Variants in PICK1 observed in about 807,000 individuals in gnomAD.
PICK1 encodes protein interacting with PRKCA 1.
Under a neutral mutation model 48.9 loss-of-function variants are expected in PICK1, and 23 were observed. The ratio of observed to expected loss-of-function variants is 0.47; its 90% CI spans 0.34 to 0.67. The LOEUF (loss-of-function observed/expected upper bound fraction) is 0.67. PICK1 is among the 30% of genes least tolerant of loss of function. The pLI, the probability that PICK1 is intolerant of heterozygous loss-of-function variation, is 0.01. For missense variants in PICK1, 423 were observed against 557.1 expected (o/e 0.76, Z 2.42); for synonymous variants, 217 against 228.2 (o/e 0.95, Z 0.44).
chr22:38,065,871 G>A (rs1450576522), intron 4 of PICK1, among the ~76,000 whole-genome samples: 1 of 152,230 alleles, frequency 6.6e-6, no homozygotes, highest in East Asian at 1.9e-4. Flanking sequence ...TGAAAGTCTC[G>A]GGGGCAAGGG....
chr22:38,063,693 A>G (rs1193761721), intron 3 of PICK1, among the ~76,000 whole-genome samples: 2 of 137,788 alleles, frequency 1.5e-5, no homozygotes, highest in African/African-American at 5.6e-5. Flanking sequence ...CCCAAGCTGG[A>G]GTACAGTGAC....
chr22:38,067,645 T>A (rs2076369), intron 4 of PICK1, 59 bp from the exon 5 acceptor site: 34 of 1,474,686 alleles, frequency 2.3e-5, no homozygotes, highest in Non-Finnish European at 2.8e-5. Flanking sequence ...CAGTCTTGGC[T>A]GGGAAGGGGC....
In PICK1 at chr22:38,072,982, C is replaced by T; in HGVS notation, c.691-18C>T. ...ACCCCTGCCGTGACAGCCTCAGCAT[C>T]CACCCACCCTCTTCCAGATGCTGAC... On this transcript the variant is annotated intron_variant, in intron 9 of 12. Coordinates refer to ENST00000356976, the MANE Select transcript of PICK1 (RefSeq NM_012407.4). The T allele has an allele frequency of 6.4e-7, 1 of 1,574,022 alleles. No individual in the cohort carries two copies. The highest frequency in any genetic ancestry group is 8.7e-7 in the Non-Finnish European group (1 of 1,143,694).
rs767894272 is a variant in PICK1 at position 38,074,942 on chromosome 22, G to A, written c.1058G>A (p.Arg353Gln). 3.7e-6 allele frequency: 6 copies of A among 1,613,612 alleles called. No homozygotes were observed. In the African/African-American group the frequency reaches 4.0e-5, roughly 11 times the overall value. ...KYYNDCYAVL[R>Q]DADVFPIEVD... The stretch of plus-strand genomic sequence containing the variant: ...TACAACGACTGCTACGCAGTGCTGC[G>A]GGATGCCGACGTCTTCCCCATCGAG... Residue 353 changes from arginine (R) to glutamine (Q), a missense_variant, in exon 13 of 13, where the codon CGG becomes CAG. By Grantham distance (43) the Arg-to-Gln change is conservative (BLOSUM62 1). This residue lies in a region of PICK1 where 144 missense variants were observed against 139.3 expected (regional missense o/e 1.03). Transcript: ENST00000356976. This position sits in a 1 kb window ranked among gnomAD's most constrained non-coding sequence, Gnocchi z 4.5.
intron 8 of PICK1, chr22:38,072,069 A>C (rs2085710828): frequency 2.0e-6 from 1 of 495,284 alleles, no homozygotes; most frequent in African/African-American, 1.9e-5. Flanking sequence ...CAGAAAATGA[A>C]GCCCAGACAA....
At chr22:38,061,067 T>C (rs2085388798) in intron 3 of PICK1, among the ~76,000 whole-genome samples, 2 of 151,470 alleles carry the variant, frequency 1.3e-5, no homozygotes, top group South Asian at 4.2e-4. Context: ...ACTGGCCGGG[T>C]GCGGTGGCTC....
At chr22:38,062,402 C>T (rs897663010) in intron 3 of PICK1, among the ~76,000 whole-genome samples, 2 of 152,262 alleles carry the variant, frequency 1.3e-5, no homozygotes, top group Non-Finnish European at 2.9e-5. Context: ...CACGTGCCAC[C>T]ACGCCTGGCT....
intron 6 of PICK1, among the ~76,000 whole-genome samples, chr22:38,070,009 G>A (rs996091715): frequency 1.3e-5 from 2 of 152,234 alleles, no homozygotes; most frequent in African/African-American, 2.4e-5. Context: ...CTGGCCAGGT[G>A]CTAAGGCTCT....
chr22:38,072,637 C>T lies in PICK1; in HGVS notation c.690+27C>T, dbSNP rs191048755. 4.3e-5 allele frequency: 70 copies of T among 1,611,666 alleles called. No homozygotes were observed. In the Middle Eastern group the frequency reaches 8.2e-4, roughly 19 times the overall value. ...TAGGTCCTATTGAGCATGTGTGTGTCTGGCGTGTGAGGGTGGGGAGGGGAG... is the reference window on the plus strand; with the variant it reads ...TAGGTCCTATTGAGCATGTGTGTGTTTGGCGTGTGAGGGTGGGGAGGGGAG... On this transcript the variant is annotated intron_variant, in intron 9 of 12. Coordinates refer to ENST00000356976, the MANE Select transcript of PICK1 (RefSeq NM_012407.4).
chr22:38,067,728 A>T lies in PICK1; in HGVS notation c.307A>T (p.Lys103Ter). The T allele has an allele frequency of 6.2e-7, 1 of 1,614,028 alleles. No individual in the cohort carries two copies. Among genetic ancestry groups the T allele is most frequent in the Non-Finnish European group, 8.5e-7 (1 of 1,179,908 alleles). ...GGGGGAGGTGACCATCCACTACAAC[A>T]AGCTGCAGGCGGACCCCAAGCAGGG... ...VKGEVTIHYN[K>*]LQADPKQGMS... The change falls in exon 5 of 13, where the codon AAG (lysine) becomes TAG (stop). Residue 103 changes from lysine to a stop codon, truncating the protein, a stop_gained. Transcript: ENST00000356976. LOFTEE classifies it high-confidence loss of function.
chr22:38,073,902 C>A lies in PICK1; in HGVS notation c.834+79C>A, dbSNP rs1007713658. 7.4e-6 allele frequency: 10 copies of A among 1,350,584 alleles called. No individual in the cohort carries two copies. In the East Asian group the frequency reaches 1.4e-4, roughly 19 times the overall value. The allele number at this position is 1,350,584 out of a possible 1,614,324, so 83.7% of individuals were successfully genotyped here. On this transcript the variant is annotated intron_variant, in intron 11 of 12. Coordinates refer to ENST00000356976, the MANE Select transcript of PICK1 (RefSeq NM_012407.4). The surrounding 1 kb of genome is among the most constrained non-coding windows in gnomAD (Gnocchi z 5.7). ...GGATAGCAGGTGGCTCAGGCCAACC[C>A]GGGAGAGACCGGGGGGACTTGGCTG...
chr22:38,069,874 T>A (rs75019488), intron 6 of PICK1, among the ~76,000 whole-genome samples: 3,881 of 152,240 alleles, frequency 0.025, 169 homozygotes, highest in African/African-American at 0.089. Flanking sequence ...GGTTGTTGTG[T>A]TTTTCCCCCC....
At chr22:38,065,756 T>C (rs1393770181) in intron 4 of PICK1, among the ~76,000 whole-genome samples, 1 of 152,244 alleles carries the variant, frequency 6.6e-6, no homozygotes. Context: ...GAAGCGAGCA[T>C]GCAGCCCCTT....
intron 7 of PICK1, 24 bp downstream of exon 7, chr22:38,070,915 T>C: frequency 6.2e-7 from 1 of 1,602,388 alleles, no homozygotes; most frequent in Non-Finnish European, 8.6e-7. Context: ...GGCCTCGTCC[T>C]GGCACTAGCT....
chr22:38,070,752 G>A (rs1362260766), intron 6 of PICK1, 86 bp from the exon 7 acceptor site: 86 of 1,141,376 alleles, frequency 7.5e-5, no homozygotes, highest in Non-Finnish European at 1.7e-5. Context: ...CTCCTCTGGG[G>A]TTGCCTCTCC....
At chr22:38,062,194 G>GT (rs1238916289) in intron 3 of PICK1, among the ~76,000 whole-genome samples, 1 of 143,744 alleles carries the variant, frequency 7.0e-6, no homozygotes, top group Non-Finnish European at 1.5e-5. Flanking sequence ...TTCCTGTTTT[G>GT]TTTTTTTCAT....
At chr22:38,068,720 G>A (rs979470427) in intron 5 of PICK1, among the ~76,000 whole-genome samples, 3 of 152,196 alleles carry the variant, frequency 2.0e-5, no homozygotes, top group African/African-American at 7.2e-5. Flanking sequence ...AGGGGAAGAG[G>A]CCTCCTTGGC....
intron 6 of PICK1, among the ~76,000 whole-genome samples, chr22:38,070,303 C>T (rs1405913995): frequency 6.6e-6 from 1 of 152,274 alleles, no homozygotes. Flanking sequence ...GCTGGGCTTT[C>T]AGCCTTGAGA....
At position 38,074,667 on chromosome 22, in the gene PICK1, C is replaced by G. The variant is rs916161468; in HGVS notation, c.980-197C>G. Among the ~76,000 whole-genome samples, 1 of 152,250 alleles carries G rather than the reference C, an allele frequency of 6.6e-6. No homozygotes were observed. Among genetic ancestry groups the G allele is most frequent in the East Asian group, 1.9e-4 (1 of 5,196 alleles). On this transcript the variant is annotated intron_variant, in intron 12 of 12. Coordinates refer to ENST00000356976, the MANE Select transcript of PICK1 (RefSeq NM_012407.4). The surrounding 1 kb of genome is among the most constrained non-coding windows in gnomAD (Gnocchi z 4.5). ...CATTTACCCTGCAGCCTCCTGCGTT[C>G]CCTGAACTGGGAGCGGGGAGGCCCC...
Sources: allele counts gnomAD v4.1 joint callset (sites outside exome capture counted in the v4.1 genomes callset), GRCh38; gene constraint gnomAD v4.1.1; regional missense constraint gnomAD v4.1.1; non-coding constraint Gnocchi (gnomAD v3.1); transcripts MANE v1.5; gene names NCBI Gene and HGNC (gene_info 2026-07-23, HGNC 2026-07-21).